The following MOK variants were observed in gnomAD, a reference collection of about 807,000 sequenced individuals.
MOK encodes MAPK/MAK/MRK overlapping kinase.
In MOK, 59 loss-of-function variants were observed where a neutral mutation model predicts 54.2. The ratio of observed to expected loss-of-function variants is 1.09; its 90% CI spans 0.88 to 1.35. The LOEUF (loss-of-function observed/expected upper bound fraction) is 1.35, where lower values mean the gene tolerates loss of function less well. MOK is among the 40% of genes most tolerant of loss of function. The probability of loss-of-function intolerance (pLI) is 0.00; values close to 1 mark genes in which losing one functional copy is unlikely to be tolerated. For missense variants in MOK, 517 were observed against 526.2 expected (o/e 0.98, Z 0.17); for synonymous variants, 210 against 202.7 (o/e 1.04, Z -0.31).
At chr14:102,268,195 T>C (rs2153142604) in intron 2 of MOK, among the ~76,000 whole-genome samples, 1 of 152,316 alleles carries the variant, frequency 6.6e-6, no homozygotes, top group Non-Finnish European at 1.5e-5. Flanking sequence ...ATTTTGCTTA[T>C]TGTAGATAGG....
rs115998496 is a variant in MOK, at chr14:102,283,214, A to C, written c.122+264T>G. ...ATCCAACACATTTATAACTTTTAGG[A>C]ACATACAGACTGTTTAAGGTGAGAC... is the stretch of plus-strand genomic sequence containing the variant. On this transcript the variant is annotated intron_variant, in intron 2 of 11. Coordinates refer to ENST00000361847, the MANE Select transcript of MOK (RefSeq NM_014226.3). 3.5e-5 allele frequency: 11 copies of C among 312,842 alleles called. No individual in the cohort carries two copies. The East Asian group carries it at 6.0e-4, about 17-fold the overall frequency. 19.4% of individuals were successfully genotyped at this position (312,842 alleles called of 1,614,324 possible).
At position 102,232,812 on chromosome 14, in the gene MOK, A is replaced by C; in HGVS notation, c.693-104T>G. On this transcript the variant is annotated intron_variant, in intron 8 of 11. Coordinates refer to ENST00000361847, the MANE Select transcript of MOK (RefSeq NM_014226.3). This position sits in a 1 kb window ranked among gnomAD's most constrained non-coding sequence, Gnocchi z 5.1. ...CCTGTGTGGTGGGGAATGGTTTATG[A>C]CTGCAGAGTCTACACCTGTCCCAGC... The C allele has an allele frequency of 9.6e-7, 1 of 1,037,916 alleles. No homozygotes were observed. The highest frequency in any genetic ancestry group is 1.4e-6 in the Non-Finnish European group (1 of 707,494). The allele number at this position is 1,037,916 out of a possible 1,614,324, so 64.3% of individuals were successfully genotyped here.
intron 1 of MOK, among the ~76,000 whole-genome samples, chr14:102,298,078 AT>A (rs1417019250): frequency 6.6e-6 from 1 of 152,232 alleles, no homozygotes; most frequent in Non-Finnish European, 1.5e-5. Context: ...GTGCAGGCAC[AT>A]GGTGTGGGAC....
chr14:102,248,743 A>G (rs1383050595), intron 7 of MOK, among the ~76,000 whole-genome samples: 1 of 142,772 alleles, frequency 7.0e-6, no homozygotes, highest in Admixed American at 7.6e-5. Context: ...GCGCCACTGC[A>G]CTCCAGTCTG....
At chr14:102,294,197 A>G (rs1298558656) in intron 1 of MOK, among the ~76,000 whole-genome samples, 1 of 151,270 alleles carries the variant, frequency 6.6e-6, no homozygotes, top group East Asian at 1.9e-4. Context: ...CTGTAATCCC[A>G]GCACTTTGGG....
At position 102,233,785 on chromosome 14, in the gene MOK, G is replaced by A. The variant is rs569153443; in HGVS notation, c.595C>T (p.Gln199Ter). 6 of 1,612,950 alleles carry A rather than the reference G, an allele frequency of 3.7e-6. No homozygotes were observed. In the East Asian group the frequency reaches 1.3e-4, roughly 36 times the overall value. ...GCVFYEIASL[Q>*]PLFPGVNELD... ...TCATTTACTCCAGGAAAGAGGGGCTGCAGACTGGAAGGGCAGAAGGGGCAC... is the reference window on the plus strand; with the variant it reads ...TCATTTACTCCAGGAAAGAGGGGCTACAGACTGGAAGGGCAGAAGGGGCAC... Residue 199 changes from glutamine to a stop codon, truncating the protein, a stop_gained, in exon 8 of 12, where the codon CAG becomes TAG. Coordinates refer to ENST00000361847, the MANE Select transcript of MOK (RefSeq NM_014226.3). LOFTEE classifies it high-confidence loss of function.
chr14:102,222,835 A>C, downstream of MOK: 8 of 1,614,188 alleles, frequency 5.0e-6, no homozygotes, highest in Non-Finnish European at 6.8e-6. This position sits in a 1 kb window ranked among gnomAD's most constrained non-coding sequence, Gnocchi z 4.4. Flanking sequence ...TGCAGGGCTC[A>C]TTGTCATCCC....
At chr14:102,265,999 T>A in intron 2 of MOK, 87 bp from the exon 3 acceptor site, 1 of 962,172 alleles carries the variant, frequency 1.0e-6, no homozygotes, top group Non-Finnish European at 1.6e-6. Flanking sequence ...ATCACAATTT[T>A]AAAACTCACA....
rs562393453 is a variant in MOK at position 102,229,448 on chromosome 14, C to T, written c.1182+9G>A. ...AGCAGCGCCGTCAGAGAAGCTGGTT[C>T]CGCGCTACCTTCTTGCTCGCAGGGA... On this transcript the variant is annotated intron_variant, in intron 11 of 11. Coordinates refer to ENST00000361847, the MANE Select transcript of MOK (RefSeq NM_014226.3). 2.5e-6 allele frequency: 4 copies of T among 1,614,190 alleles called. No individual in the cohort carries two copies. The South Asian group carries it at 4.4e-5, about 18-fold the overall frequency.
chr14:102,298,843 C>G (rs2071781908), intron 1 of MOK, among the ~76,000 whole-genome samples: 2 of 152,238 alleles, frequency 1.3e-5, no homozygotes, highest in Non-Finnish European at 2.9e-5. Flanking sequence ...TCTGTAGCTT[C>G]TCTCCTGAGG....
chr14:102,300,603 G>A (rs147614052), intron 1 of MOK, among the ~76,000 whole-genome samples: 122 of 152,252 alleles, frequency 8.0e-4, no homozygotes, highest in Admixed American at 6.1e-3. Context: ...CTAGATAAGG[G>A]GAAACTTTTC....
chr14:102,279,627 GTACTT>G, intron 2 of MOK, among the ~76,000 whole-genome samples: 1 of 151,564 alleles, frequency 6.6e-6, no homozygotes, highest in East Asian at 2.0e-4. Flanking sequence ...TCTTAATTGT[GTACTT>G]TTGGCAAGTA....
intron 2 of MOK, chr14:102,283,027 C>T (rs2403036): frequency 1.5e-5 from 2 of 130,426 alleles, no homozygotes; most frequent in African/African-American, 6.2e-5. Context: ...GCACTCCAGC[C>T]TGGGAGACAG....
chr14:102,222,891 A>ACTG, downstream of MOK: 1 of 1,614,082 alleles, frequency 6.2e-7, no homozygotes, highest in Non-Finnish European at 8.5e-7. This position sits in a 1 kb window ranked among gnomAD's most constrained non-coding sequence, Gnocchi z 4.4. Flanking sequence ...TAGCGACCTC[A>ACTG]CTGCTGCGCG....
intron 4 of MOK, among the ~76,000 whole-genome samples, chr14:102,257,642 C>T (rs1597396027): frequency 1.3e-5 from 2 of 152,148 alleles, no homozygotes; most frequent in Admixed American, 6.5e-5. Context: ...GATGATGGTT[C>T]AGGGACTGTT....
intron 7 of MOK, among the ~76,000 whole-genome samples, chr14:102,244,197 C>T (rs1012545417): frequency 2.2e-4 from 33 of 152,196 alleles, no homozygotes; most frequent in Admixed American, 1.8e-3. Context: ...CTCGGGGCAA[C>T]GCTTATGCTG....
chr14:102,232,389 G>A lies in MOK; in HGVS notation c.866+146C>T. On this transcript the variant is annotated intron_variant, in intron 9 of 11. Coordinates refer to ENST00000361847, the MANE Select transcript of MOK (RefSeq NM_014226.3). The surrounding 1 kb of genome is among the most constrained non-coding windows in gnomAD (Gnocchi z 5.1). ...GAAGGCAGCACGGTGTGGGCCCCAA[G>A]AGGCCCTGACCACTCTTCAGGATAG... The A allele has an allele frequency of 1.1e-6, 1 of 898,948 alleles. No individual in the cohort carries two copies. The highest frequency in any genetic ancestry group is 1.6e-6 in the Non-Finnish European group (1 of 610,512). The allele number at this position is 898,948 out of a possible 1,614,324, so 55.7% of individuals were successfully genotyped here. A position where few individuals can be genotyped will look rare whatever the true frequency, so the allele number is the denominator to read the frequency against.
chr14:102,274,687 T>C lies in MOK; in HGVS notation c.123-8775A>G, dbSNP rs1282321516. Among the ~76,000 whole-genome samples, 7 of 151,746 alleles carry C rather than the reference T, an allele frequency of 4.6e-5. No individual in the cohort carries two copies. In the Middle Eastern group the frequency reaches 0.01, roughly 223 times the overall value. ...GTAGGCAAAACTGTCTTTAAAAAGA[T>C]GAAGAGGCCGGGCACGGTAACTCAC... On this transcript the variant is annotated intron_variant, in intron 2 of 11. Transcript: ENST00000361847.
At chr14:102,251,855 C>A in intron 5 of MOK, 51 bp from the exon 6 acceptor site, 2 of 1,535,294 alleles carry the variant, frequency 1.3e-6, no homozygotes, top group South Asian at 1.2e-5. Flanking sequence ...TATTCAAATT[C>A]TTGAATCTGA....
Sources: allele counts gnomAD v4.1 joint callset (sites outside exome capture counted in the v4.1 genomes callset), GRCh38; gene constraint gnomAD v4.1.1; non-coding constraint Gnocchi (gnomAD v3.1); transcripts MANE v1.5; gene names NCBI Gene and HGNC (gene_info 2026-07-23, HGNC 2026-07-21).